The following SDK1 variants were observed in gnomAD, a reference collection of about 807,000 sequenced individuals.
SDK1 encodes sidekick cell adhesion molecule 1.
Under a neutral mutation model 245.5 loss-of-function variants are expected in SDK1, and 157 were observed. The ratio of observed to expected loss-of-function variants is 0.64; its 90% CI spans 0.56 to 0.73. SDK1 has a LOEUF of 0.73. Among genes scored for constraint, SDK1 ranks in the 30% least tolerant of loss-of-function variants. The probability of loss-of-function intolerance (pLI) is 0.00; values close to 1 mark genes in which losing one functional copy is unlikely to be tolerated. For missense variants in SDK1, 3,583 were observed against 3,002.3 expected (o/e 1.19, Z -4.52); for synonymous variants, 1,647 against 1,278.5 (o/e 1.29, Z -6.15).
chr7:3,896,761 T>A (rs1333195838), intron 5 of SDK1, among the ~76,000 whole-genome samples: 1 of 152,220 alleles, frequency 6.6e-6, no homozygotes, highest in East Asian at 1.9e-4. Flanking sequence ...TAAATCTGAT[T>A]CCTGTTACTG....
chr7:4,212,166 C>T (rs1198255834), intron 38 of SDK1, among the ~76,000 whole-genome samples: 1 of 152,162 alleles, frequency 6.6e-6, no homozygotes, highest in Admixed American at 6.5e-5. Context: ...TATCGGCGCT[C>T]CATTTAAAGC....
intron 14 of SDK1, among the ~76,000 whole-genome samples, chr7:4,007,447 G>A (rs1303036614): frequency 6.6e-6 from 1 of 152,092 alleles, no homozygotes; most frequent in East Asian, 1.9e-4. Context: ...CAGGAGTCCC[G>A]AGGACAGAGC....
At chr7:4,119,378 C>T (rs909143133) in intron 25 of SDK1, among the ~76,000 whole-genome samples, 6 of 148,052 alleles carry the variant, frequency 4.1e-5, no homozygotes, top group Middle Eastern at 3.5e-3. Context: ...CTGCTTCAGC[C>T]CAGGAGGTCG....
intron 1 of SDK1, among the ~76,000 whole-genome samples, chr7:3,530,903 G>A (rs1174658608): frequency 6.6e-6 from 1 of 152,196 alleles, no homozygotes; most frequent in East Asian, 1.9e-4. Context: ...CATAGGTCAA[G>A]TCTAAATATC....
chr7:4,201,617 C>G (rs894180610), intron 35 of SDK1, among the ~76,000 whole-genome samples: 1 of 152,272 alleles, frequency 6.6e-6, no homozygotes, highest in South Asian at 2.1e-4. Flanking sequence ...CAGTACTGCT[C>G]TAGCCACAGC....
chr7:4,042,286 A>C (rs1032027767), intron 17 of SDK1, among the ~76,000 whole-genome samples: 2 of 135,974 alleles, frequency 1.5e-5, no homozygotes, highest in Non-Finnish European at 1.5e-5. Flanking sequence ...CAGGTAGGAG[A>C]AACTGCTACT....
intron 1 of SDK1, among the ~76,000 whole-genome samples, chr7:3,607,549 G>A (rs1781460526): frequency 6.6e-6 from 1 of 152,084 alleles, no homozygotes; most frequent in Non-Finnish European, 1.5e-5. Context: ...AGAAATATTT[G>A]TTGAATGACA....
intron 17 of SDK1, among the ~76,000 whole-genome samples, chr7:4,043,702 G>T (rs543012010): frequency 6.6e-6 from 1 of 152,188 alleles, no homozygotes; most frequent in Non-Finnish European, 1.5e-5. Context: ...TGCAGGAAAT[G>T]ACTACTTATT....
Position 4,221,332 on chromosome 7 carries a change from C to G in SDK1, c.5795C>G (p.Thr1932Ser). The G allele has an allele frequency of 6.2e-7, 1 of 1,612,694 alleles. No homozygotes were observed. The highest frequency in any genetic ancestry group is 8.5e-7 in the Non-Finnish European group (1 of 1,179,520). The change falls in exon 40 of 45, where the codon ACC becomes AGC. Residue 1932 changes from threonine to serine, a missense_variant. Thr to Ser is a moderately conservative substitution (Grantham distance 58). Coordinates refer to ENST00000404826, the MANE Select transcript of SDK1 (RefSeq NM_152744.4). ...WTEGHSGDTP[T>S]TGYVIEARPS... ...GAGGGACACTCTGGCGACACACCTA[C>G]CACGGGCTATGTGATCGAGGCCCGG... is the stretch of plus-strand genomic sequence containing the variant.
intron 5 of SDK1, among the ~76,000 whole-genome samples, chr7:3,827,447 G>C (rs1403243858): frequency 3.9e-5 from 6 of 152,182 alleles, no homozygotes; most frequent in Non-Finnish European, 8.8e-5. Context: ...AAATGCCCAG[G>C]TGCCAACCAA....
chr7:3,580,861 G>A (rs965478299), intron 1 of SDK1, among the ~76,000 whole-genome samples: 13 of 151,104 alleles, frequency 8.6e-5, no homozygotes, highest in African/African-American at 2.9e-4. Context: ...CCAGCTACTC[G>A]GGAGGCTGAG....
intron 5 of SDK1, among the ~76,000 whole-genome samples, chr7:3,841,251 G>C (rs182598675): frequency 3.3e-5 from 5 of 152,320 alleles, no homozygotes; most frequent in Non-Finnish European, 7.3e-5. Context: ...GAGACCCAGA[G>C]AGGGCTGTCA....
intron 1 of SDK1, among the ~76,000 whole-genome samples, chr7:3,405,791 ATTTTC>A (rs1175721447): frequency 3.5e-5 from 5 of 144,428 alleles, no homozygotes; most frequent in Non-Finnish European, 6.1e-5. Context: ...GTTGTGCTTA[ATTTTC>A]TTTTCTTTTC....
intron 20 of SDK1, among the ~76,000 whole-genome samples, chr7:4,074,912 A>AT (rs1410736866): frequency 1.4e-4 from 11 of 76,574 alleles, no homozygotes; most frequent in East Asian, 2.4e-4. Context: ...ATATATATAT[A>AT]TATATTTTTT....
intron 1 of SDK1, among the ~76,000 whole-genome samples, chr7:3,616,680 T>C (rs559523807): frequency 6.6e-6 from 1 of 152,338 alleles, no homozygotes; most frequent in South Asian, 2.1e-4. Flanking sequence ...ATTGTATTAC[T>C]AATATACCAA....
At chr7:3,885,367 C>G (rs142348412) in intron 5 of SDK1, among the ~76,000 whole-genome samples, 121 of 152,306 alleles carry the variant, frequency 7.9e-4, no homozygotes, top group African/African-American at 2.8e-3. Context: ...GGGGCTGAAG[C>G]CACCTATGAC....
In SDK1 at chr7:3,478,377, C is replaced by T. The variant is rs536754814; in HGVS notation, c.299-140703C>T. Among the ~76,000 whole-genome samples, 9 of 151,986 alleles carry T rather than the reference C, an allele frequency of 5.9e-5. No homozygotes were observed. The South Asian group carries it at 8.3e-4, about 14-fold the overall frequency. ...TTAGGCATAATATATTATTAGTGCT[C>T]TTATAAATGAGAGCTTCATTTTCTT... On this transcript the variant is annotated intron_variant, in intron 1 of 44. Coordinates refer to ENST00000404826, the MANE Select transcript of SDK1 (RefSeq NM_152744.4).
intron 4 of SDK1, among the ~76,000 whole-genome samples, chr7:3,801,416 C>A (rs1221370924): frequency 6.6e-6 from 1 of 152,174 alleles, no homozygotes; most frequent in Non-Finnish European, 1.5e-5. Context: ...AATGTTTAAT[C>A]CTTTTTTAAA....
intron 1 of SDK1, among the ~76,000 whole-genome samples, chr7:3,598,773 G>A (rs1002886430): frequency 6.6e-6 from 1 of 152,162 alleles, no homozygotes; most frequent in African/African-American, 2.4e-5. Flanking sequence ...ATTTATGGAG[G>A]TTACTGCAGG....
Sources: gnomAD v4.1 joint callset for allele counts (sites outside exome capture counted in the v4.1 genomes callset) on GRCh38, gnomAD v4.1.1 for gene constraint, MANE v1.5 for transcripts, NCBI Gene and HGNC (gene_info 2026-07-23, HGNC 2026-07-21) for gene names.